The following CLCN3 variants were observed in gnomAD, a reference collection of about 807,000 sequenced individuals.
The protein encoded by CLCN3 is H(+)/Cl(-) exchange transporter 3.
In CLCN3, 16 loss-of-function variants were observed where a neutral mutation model predicts 83.4. The observed-to-expected ratio is 0.19, with a 90% CI of 0.13 to 0.29. The LOEUF (loss-of-function observed/expected upper bound fraction) is 0.29. CLCN3 is among the 10% of genes least tolerant of loss of function. CLCN3 has a pLI of 1.00. For missense variants in CLCN3, 544 were observed against 1,006.0 expected (o/e 0.54, Z 6.21); for synonymous variants, 322 against 346.2 (o/e 0.93, Z 0.78).
In CLCN3 at chr4:169,721,648, T is replaced by C. The variant is rs898784600; in HGVS notation, c.*1651T>C. Reference sequence around the variant, plus strand: ...TAGGTTACGTCCATATTTGAAGTGGTCAGTGATGGTTTGAACATTTTTTGC... The same window carrying C: ...TAGGTTACGTCCATATTTGAAGTGGCCAGTGATGGTTTGAACATTTTTTGC... On this transcript the variant is annotated 3_prime_UTR_variant, in exon 13 of 13. Coordinates refer to ENST00000513761, the MANE Select transcript of CLCN3 (RefSeq NM_001829.4). 1.3e-5 allele frequency: 2 copies of C among 152,330 alleles called. No individual in the cohort carries two copies. The highest frequency in any genetic ancestry group is 6.5e-5 in the Admixed American group (1 of 15,300). 9.4% of individuals were successfully genotyped at this position (152,330 alleles called of 1,614,324 possible).
chr4:169,722,161 T>C lies in CLCN3; in HGVS notation c.*2164T>C, dbSNP rs1328607664. The C allele has an allele frequency of 6.6e-6, 1 of 152,348 alleles. No homozygotes were observed. The highest frequency in any genetic ancestry group is 2.1e-4 in the South Asian group (1 of 4,828). 9.4% of individuals were successfully genotyped at this position (152,348 alleles called of 1,614,324 possible). A position where few individuals can be genotyped will look rare whatever the true frequency, so the allele number is the denominator to read the frequency against. On this transcript the variant is annotated 3_prime_UTR_variant, in exon 13 of 13. Transcript: ENST00000513761. ...AACACAACTGGCAATGAGCTGTTTTTACATTTTGAAAGTGATTCTTCACTT... is the reference window on the plus strand; with the variant it reads ...AACACAACTGGCAATGAGCTGTTTTCACATTTTGAAAGTGATTCTTCACTT...
intron 11 of CLCN3, among the ~76,000 whole-genome samples, chr4:169,712,474 A>G (rs1320496341): frequency 1.3e-5 from 2 of 152,180 alleles, no homozygotes; most frequent in African/African-American, 4.8e-5. Context: ...CTTTATGAAT[A>G]AAACAACCCC....
chr4:169,697,909 T>C (rs573005979), intron 9 of CLCN3, among the ~76,000 whole-genome samples, 175 bp downstream of exon 9: 1 of 152,352 alleles, frequency 6.6e-6, no homozygotes, highest in South Asian at 2.1e-4. Flanking sequence ...ATGTTATCTG[T>C]TGCTATTTAA....
chr4:169,665,872 A>T (rs749177930), intron 2 of CLCN3, among the ~76,000 whole-genome samples: 1 of 152,142 alleles, frequency 6.6e-6, no homozygotes, highest in Non-Finnish European at 1.5e-5. Context: ...TTTCATGTAA[A>T]ACTATTATTT....
chr4:169,668,884 A>T (rs1388833864), intron 2 of CLCN3, among the ~76,000 whole-genome samples: 3 of 152,186 alleles, frequency 2.0e-5, no homozygotes, highest in Admixed American at 6.5e-5. Flanking sequence ...GTTCTGATTA[A>T]CACTGTGCTC....
chr4:169,651,497 A>G (rs1730730077), intron 2 of CLCN3, among the ~76,000 whole-genome samples: 1 of 152,176 alleles, frequency 6.6e-6, no homozygotes, highest in Non-Finnish European at 1.5e-5. Flanking sequence ...ACCAAAATGC[A>G]TGGATTTTCA....
chr4:169,684,723 G>A (rs187002765), intron 3 of CLCN3, among the ~76,000 whole-genome samples: 1 of 152,258 alleles, frequency 6.6e-6, no homozygotes, highest in Non-Finnish European at 1.5e-5. Context: ...TTATATGACT[G>A]TACTAATTTG....
At chr4:169,631,206 G>A (rs949695852) in intron 1 of CLCN3, among the ~76,000 whole-genome samples, 3 of 152,080 alleles carry the variant, frequency 2.0e-5, no homozygotes, top group African/African-American at 4.8e-5. Context: ...GATTAGTGAC[G>A]TTGGGCATTT....
chr4:169,648,462 A>G (rs1285813366), intron 2 of CLCN3, among the ~76,000 whole-genome samples: 1 of 152,250 alleles, frequency 6.6e-6, no homozygotes, highest in Non-Finnish European at 1.5e-5. Context: ...AATATAAGGT[A>G]GAAAATGAAA....
chr4:169,669,969 G>T (rs1289130871), intron 2 of CLCN3, among the ~76,000 whole-genome samples: 2 of 152,052 alleles, frequency 1.3e-5, no homozygotes, highest in Non-Finnish European at 2.9e-5. Context: ...TGATGGGGTT[G>T]TTTGTTTTTT....
At chr4:169,666,961 A>G (rs1475994663) in intron 2 of CLCN3, among the ~76,000 whole-genome samples, 1 of 152,244 alleles carries the variant, frequency 6.6e-6, no homozygotes, top group Non-Finnish European at 1.5e-5. Flanking sequence ...TGTTATTATT[A>G]GACATGAGCT....
intron 2 of CLCN3, among the ~76,000 whole-genome samples, chr4:169,640,737 G>T (rs932364084): frequency 2.0e-4 from 31 of 152,132 alleles, no homozygotes; most frequent in Admixed American, 9.8e-4. Context: ...CATTGAAAAT[G>T]AAGCACATGA....
chr4:169,661,484 A>C (rs1173638174), intron 2 of CLCN3, among the ~76,000 whole-genome samples: 1 of 152,182 alleles, frequency 6.6e-6, no homozygotes, highest in Non-Finnish European at 1.5e-5. Context: ...ACTATAATTT[A>C]AACATTATAA....
At chr4:169,710,798 T>C (rs1326812765) in intron 11 of CLCN3, among the ~76,000 whole-genome samples, 1 of 152,232 alleles carries the variant, frequency 6.6e-6, no homozygotes, top group Non-Finnish European at 1.5e-5. Context: ...AGAATGTTAT[T>C]CTATTTAATG....
Position 169,722,087 on chromosome 4 carries a change from G to A in CLCN3, c.*2090G>A, listed in dbSNP as rs1181580344. 1 of 152,206 alleles carries A rather than the reference G, an allele frequency of 6.6e-6. No homozygotes were observed. The highest frequency in any genetic ancestry group is 1.5e-5 in the Non-Finnish European group (1 of 68,050). 9.4% of individuals were successfully genotyped at this position (152,206 alleles called of 1,614,324 possible). A position where few individuals can be genotyped will look rare whatever the true frequency, so the allele number is the denominator to read the frequency against. ...CCTGCGTGAGCCTCCCAAAGTGGTG[G>A]AATTACAGGCGTGGGCCACTGCGCC... On this transcript the variant is annotated 3_prime_UTR_variant, in exon 13 of 13. Coordinates refer to ENST00000513761, the MANE Select transcript of CLCN3 (RefSeq NM_001829.4).
intron 2 of CLCN3, among the ~76,000 whole-genome samples, chr4:169,678,724 G>T (rs1424376734): frequency 2.0e-5 from 3 of 152,192 alleles, no homozygotes; most frequent in Non-Finnish European, 4.4e-5. Flanking sequence ...TCAGAGAGCA[G>T]GGGGTTGGGG....
chr4:169,702,777 C>CAAAAAAAAAAAAA, intron 9 of CLCN3: 6 of 240,044 alleles, frequency 2.5e-5, no homozygotes, highest in South Asian at 4.2e-5. Context: ...CCCATCTCTA[C>CAAAAAAAAAAAAA]AAAAAAAAAA....
intron 9 of CLCN3, among the ~76,000 whole-genome samples, chr4:169,698,397 C>A (rs964291394): frequency 6.6e-6 from 1 of 152,094 alleles, no homozygotes; most frequent in Non-Finnish European, 1.5e-5. Context: ...TGCTCACTCC[C>A]GCTGTCTCTC....
chr4:169,634,223 G>A (rs1773450359), intron 1 of CLCN3, among the ~76,000 whole-genome samples: 1 of 152,158 alleles, frequency 6.6e-6, no homozygotes, highest in Admixed American at 6.5e-5. Flanking sequence ...ACATAAAAAG[G>A]TTTAATGATT....
Sources: gnomAD v4.1 joint callset for allele counts (sites outside exome capture counted in the v4.1 genomes callset) on GRCh38, gnomAD v4.1.1 for gene constraint, MANE v1.5 for transcripts, NCBI Gene and HGNC (gene_info 2026-07-23, HGNC 2026-07-21) for gene names.